Variants in C8orf74 observed in about 807,000 individuals in gnomAD.
C8orf74 encodes uncharacterized protein C8orf74.
A neutral mutation model predicts 22.2 loss-of-function variants in C8orf74; 29 were observed. That is an observed-to-expected ratio of 1.31 (90% CI 0.97 to 1.78). The LOEUF (loss-of-function observed/expected upper bound fraction) is 1.78. Ranked by LOEUF, C8orf74 falls within the 40% of genes most tolerant of loss-of-function variation. The pLI is 0.00. For synonymous variants in C8orf74, 255 were observed against 163.1 expected (o/e 1.56, Z -4.30); for missense variants, 515 against 369.9 (o/e 1.39, Z -3.22).
intron 2 of C8orf74, chr8:10,687,220 T>C (rs1799279723): frequency 2.4e-6 from 1 of 419,830 alleles, no homozygotes; most frequent in Non-Finnish European, 4.9e-6. Context: ...CACATATGCA[T>C]GCTGTCGCCT....
chr8:10,689,800 T>C (rs75317898), intron 2 of C8orf74: 9,873 of 152,282 alleles, frequency 0.065, 820 homozygotes, highest in African/African-American at 0.19. Context: ...ACATTTACCC[T>C]TCATTAAGCG....
chr8:10,681,751 C>A (rs990119651), intron 2 of C8orf74, among the ~76,000 whole-genome samples: 4 of 152,218 alleles, frequency 2.6e-5, no homozygotes, highest in African/African-American at 7.2e-5. Flanking sequence ...GCAGGAAGAA[C>A]CTTTGCATAT....
intron 2 of C8orf74, chr8:10,689,657 C>A (rs973027155): frequency 2.0e-5 from 3 of 152,098 alleles, no homozygotes; most frequent in African/African-American, 7.2e-5. Context: ...CTACCGTTGA[C>A]CAGAAGCTTA....
At chr8:10,687,322 A>G (rs1045429554) in intron 2 of C8orf74, 2 of 321,350 alleles carry the variant, frequency 6.2e-6, no homozygotes, top group Non-Finnish European at 1.2e-5. Flanking sequence ...AATATATGCA[A>G]TGGTTTTTAT....
chr8:10,697,708 C>T lies in C8orf74; in HGVS notation c.351C>T (p.Thr117=), dbSNP rs1176185702. The T allele has an allele frequency of 6.2e-7, 1 of 1,613,974 alleles. No homozygotes were observed. Among genetic ancestry groups the T allele is most frequent in the South Asian group, 1.1e-5 (1 of 91,084 alleles). ...CCCTCTGTGACTACTTCCACCACAC[C>T]TTCATCCGCCACTACAAACTCTACC... ...LLALCDYFHH[T]FIRHYKLYQY... Residue 117 remains threonine (T), a synonymous_variant, in exon 3 of 4, where the codon ACC becomes ACT. Coordinates refer to ENST00000304519, the MANE Select transcript of C8orf74 (RefSeq NM_001040032.2).
chr8:10,694,612 T>C (rs542834751), intron 2 of C8orf74, among the ~76,000 whole-genome samples: 2 of 152,374 alleles, frequency 1.3e-5, no homozygotes, highest in South Asian at 4.1e-4. Context: ...ATAGAGTAGC[T>C]ACCTGTGGAG....
At chr8:10,688,811 G>A (rs538103352) in intron 2 of C8orf74, 2 of 152,456 alleles carry the variant, frequency 1.3e-5, no homozygotes, top group East Asian at 1.9e-4. Context: ...GCTTTGGAAA[G>A]GGGTCACCCT....
At chr8:10,676,183 A>G (rs181737213) in intron 2 of C8orf74, among the ~76,000 whole-genome samples, 173 of 152,292 alleles carry the variant, frequency 1.1e-3, no homozygotes, top group Admixed American at 3.1e-3. Context: ...CCAAAAAAGT[A>G]TAATAATTTT....
intron 3 of C8orf74, among the ~76,000 whole-genome samples, 182 bp from the exon 4 acceptor site, chr8:10,700,053 C>A (rs1041068736): frequency 6.6e-6 from 1 of 152,172 alleles, no homozygotes; most frequent in Non-Finnish European, 1.5e-5. Context: ...CACCCTCAGA[C>A]CTCCCGCCCC....
chr8:10,698,917 AC>A (rs145946974), intron 3 of C8orf74, among the ~76,000 whole-genome samples: 2 of 148,344 alleles, frequency 1.3e-5, no homozygotes, highest in African/African-American at 4.9e-5. Flanking sequence ...ACACACACAC[AC>A]ACACACACAC....
chr8:10,690,941 CCT>C (rs1563161957), intron 2 of C8orf74: 1 of 456,212 alleles, frequency 2.2e-6, no homozygotes. Context: ...AGGGCCACTC[CCT>C]GTTATTGAAG....
intron 2 of C8orf74, among the ~76,000 whole-genome samples, chr8:10,696,860 A>G (rs1269855332): frequency 1.3e-5 from 2 of 152,066 alleles, no homozygotes; most frequent in African/African-American, 2.4e-5. Context: ...TAAAACAGGC[A>G]TCAAAAGACA....
At chr8:10,686,452 G>T (rs929996188) in intron 2 of C8orf74, 3 of 152,226 alleles carry the variant, frequency 2.0e-5, no homozygotes, top group African/African-American at 4.8e-5. Flanking sequence ...TATTTCCTGA[G>T]AGCTTAGCAC....
intron 2 of C8orf74, among the ~76,000 whole-genome samples, chr8:10,696,958 G>GAAAAAAAAAAA (rs60560452): frequency 1.9e-5 from 2 of 104,322 alleles, no homozygotes. Flanking sequence ...CCAGGAGTTC[G>GAAAAAAAAAAA]AAAAAAAAAA....
intron 2 of C8orf74, among the ~76,000 whole-genome samples, chr8:10,681,359 G>A (rs1799144328): frequency 6.6e-6 from 1 of 152,218 alleles, no homozygotes; most frequent in South Asian, 2.1e-4. Flanking sequence ...GAAGCCACCA[G>A]CCGTGGCACA....
At chr8:10,677,896 A>T (rs1253686308) in intron 2 of C8orf74, among the ~76,000 whole-genome samples, 1 of 152,218 alleles carries the variant, frequency 6.6e-6, no homozygotes, top group Non-Finnish European at 1.5e-5. Flanking sequence ...GCCCTTGTGC[A>T]ATGGCGATTT....
At chr8:10,696,927 C>A (rs73532619) in intron 2 of C8orf74, among the ~76,000 whole-genome samples, 12,092 of 144,296 alleles carry the variant, frequency 0.084, 1,556 homozygotes, top group African/African-American at 0.29. Flanking sequence ...TGGGAGGCCA[C>A]GGTGGGAGGA....
intron 2 of C8orf74, among the ~76,000 whole-genome samples, chr8:10,693,179 A>G (rs1799420195): frequency 6.6e-6 from 1 of 151,942 alleles, no homozygotes; most frequent in African/African-American, 2.4e-5. Context: ...TTCCTCCCCG[A>G]CCTTTCAGTC....
intron 2 of C8orf74, among the ~76,000 whole-genome samples, chr8:10,681,688 C>G (rs1799153943): frequency 6.6e-6 from 1 of 152,226 alleles, no homozygotes; most frequent in African/African-American, 2.4e-5. Context: ...CCTTCATCAT[C>G]ATCACGCGTG....
Sources: allele counts gnomAD v4.1 joint callset (sites outside exome capture counted in the v4.1 genomes callset), GRCh38; gene constraint gnomAD v4.1.1; transcripts MANE v1.5; gene names NCBI Gene and HGNC (gene_info 2026-07-23, HGNC 2026-07-21).